NEK7: variants seen among roughly 807,000 people sequenced by gnomAD.
NEK7 encodes the protein serine/threonine-protein kinase Nek7.
NEK7 carries 18 observed loss-of-function variants against 44.6 expected under a neutral mutation model. The ratio of observed to expected loss-of-function variants is 0.40; its 90% confidence interval spans 0.28 to 0.60. The LOEUF (loss-of-function observed/expected upper bound fraction) is 0.60, where lower values mean the gene tolerates loss of function less well. Ranked by LOEUF, NEK7 falls within the 20% of genes least tolerant of loss-of-function variation. The pLI, the probability that NEK7 is intolerant of heterozygous loss-of-function variation, is 0.38. For missense variants in NEK7, 256 were observed against 366.5 expected, an observed-to-expected ratio of 0.70 and a Z score of 2.46; for synonymous variants, 130 against 121.1, an observed-to-expected ratio of 1.07 and a Z score of -0.48.
intron 2 of NEK7, among the ~76,000 whole-genome samples, chr1:198,248,262 A>G (rs1039392171): frequency 2.0e-5 from 3 of 152,212 alleles, no homozygotes; most frequent in African/African-American, 7.2e-5. Flanking sequence ...GGAATGTAAA[A>G]GGTGATATTC....
Position 198,192,281 on chromosome 1 carries a change from C to CT in NEK7, c.-29+35015dup, listed in dbSNP as rs554422772. Among the ~76,000 whole-genome samples, 42 of 142,054 alleles carry CT rather than the reference C, an allele frequency of 3.0e-4. 2 individuals carry two copies. The highest frequency in any genetic ancestry group is 6.2e-4 in the East Asian group (3 of 4,856). 93.2% of individuals were successfully genotyped at this position (142,054 alleles called of 152,430 possible). A position where few individuals can be genotyped will look rare whatever the true frequency, so the allele number is the denominator to read the frequency against. ...TTTTTTATTTATTTTTGCTTTCTCC[C>CT]TTTTTTTTTTAATTGATCAGTCTCA... On this transcript the variant is annotated intron_variant, in intron 1 of 9. Transcript: ENST00000367385.
intron 3 of NEK7, among the ~76,000 whole-genome samples, chr1:198,257,805 A>G (rs535715920): frequency 2.0e-5 from 3 of 152,296 alleles, no homozygotes; most frequent in African/African-American, 7.2e-5. Context: ...CTAAGCAGAT[A>G]AGAAACAGAA....
At chr1:198,240,761 T>A (rs879868213) in intron 2 of NEK7, among the ~76,000 whole-genome samples, 1 of 152,216 alleles carries the variant, frequency 6.6e-6, no homozygotes, top group Non-Finnish European at 1.5e-5. Flanking sequence ...AGTGGCACGA[T>A]CTCGGCTCAC....
At chr1:198,157,657 T>A (rs1053375732) in intron 1 of NEK7, among the ~76,000 whole-genome samples, 1 of 152,104 alleles carries the variant, frequency 6.6e-6, no homozygotes, top group African/African-American at 2.4e-5. Flanking sequence ...GCGACGTCGG[T>A]TATTTATCTC....
rs560754309 is a variant in NEK7 at position 198,228,926 on chromosome 1, G to A, written c.-28-3627G>A. Among the ~76,000 whole-genome samples the A allele has an allele frequency of 9.3e-4, 141 of 152,260 alleles. 2 individuals are homozygous for A. Among genetic ancestry groups the A allele is most frequent in the Middle Eastern group, 3.4e-3 (1 of 294 alleles). ...TATGTGGAATAGGAGTGGTGAGAGA[G>A]GGCATCCCTGTCTTGTGCCCGTTTT... On this transcript the variant is annotated intron_variant, in intron 1 of 9. Transcript: ENST00000367385.
intron 7 of NEK7, among the ~76,000 whole-genome samples, chr1:198,285,090 A>C (rs1434732161): frequency 6.6e-6 from 1 of 151,554 alleles, no homozygotes; most frequent in African/African-American, 2.4e-5. Context: ...ACCCTATTTT[A>C]TTTTTTCTTT....
intron 1 of NEK7, among the ~76,000 whole-genome samples, chr1:198,218,320 A>G (rs185700640): frequency 1.3e-5 from 2 of 152,246 alleles, no homozygotes; most frequent in South Asian, 2.1e-4. Flanking sequence ...AAATTGGGAA[A>G]TAGACACCCT....
intron 1 of NEK7, among the ~76,000 whole-genome samples, chr1:198,165,647 G>C (rs547480779): frequency 6.6e-6 from 1 of 152,240 alleles, no homozygotes; most frequent in East Asian, 1.9e-4. Flanking sequence ...TCCACTTATA[G>C]CACACAGGCA....
At chr1:198,191,338 AT>A (rs796708884) in intron 1 of NEK7, among the ~76,000 whole-genome samples, 2 of 151,762 alleles carry the variant, frequency 1.3e-5, no homozygotes, top group Admixed American at 6.6e-5. Flanking sequence ...ACAGAATTTA[AT>A]TTTTTTAGCC....
At chr1:198,245,114 G>A (rs777368099) in intron 2 of NEK7, 5 of 166,318 alleles carry the variant, frequency 3.0e-5, no homozygotes, top group Non-Finnish European at 7.3e-5. Context: ...TCATAAGGAA[G>A]AAAAATGATA....
chr1:198,233,065 T>C (rs184886771), intron 2 of NEK7, among the ~76,000 whole-genome samples: 4 of 151,320 alleles, frequency 2.6e-5, no homozygotes, highest in African/African-American at 7.3e-5. Context: ...GCTCTGAGCG[T>C]TAGTATTAGG....
chr1:198,300,137 C>T (rs1428919938), intron 9 of NEK7, among the ~76,000 whole-genome samples: 1 of 151,998 alleles, frequency 6.6e-6, no homozygotes, highest in Non-Finnish European at 1.5e-5. Flanking sequence ...TGATCTCATC[C>T]ATGTATCAAT....
At chr1:198,186,306 T>C (rs1389651429) in intron 1 of NEK7, among the ~76,000 whole-genome samples, 1 of 152,350 alleles carries the variant, frequency 6.6e-6, no homozygotes, top group South Asian at 2.1e-4. Context: ...AACCATTAAA[T>C]ATTTAGATTT....
intron 5 of NEK7, among the ~76,000 whole-genome samples, chr1:198,273,190 A>G (rs904971708): frequency 2.0e-5 from 3 of 151,786 alleles, no homozygotes; most frequent in East Asian, 3.9e-4. Context: ...GCTAGTGATA[A>G]GTATTCTCAG....
chr1:198,307,085 C>T (rs1269265010), intron 9 of NEK7, among the ~76,000 whole-genome samples: 1 of 152,050 alleles, frequency 6.6e-6, no homozygotes, highest in Non-Finnish European at 1.5e-5. Context: ...CCTGTTATGA[C>T]CAACAGACTT....
intron 5 of NEK7, among the ~76,000 whole-genome samples, chr1:198,269,104 T>C (rs1653754464): frequency 6.6e-6 from 1 of 152,118 alleles, no homozygotes; most frequent in Admixed American, 6.6e-5. Flanking sequence ...GTATTTCCCA[T>C]TAGACTTAAA....
intron 2 of NEK7, among the ~76,000 whole-genome samples, chr1:198,234,467 G>A (rs1371480663): frequency 6.6e-6 from 1 of 151,956 alleles, no homozygotes; most frequent in Non-Finnish European, 1.5e-5. Context: ...GGCAATAAAA[G>A]AACACTTTTA....
chr1:198,220,282 T>C (rs777185934), intron 1 of NEK7, among the ~76,000 whole-genome samples: 7 of 152,004 alleles, frequency 4.6e-5, no homozygotes, highest in Non-Finnish European at 1.0e-4. Flanking sequence ...ACCTTGTCTT[T>C]GGCACAACAA....
At chr1:198,192,500 A>G (rs1200424232) in intron 1 of NEK7, among the ~76,000 whole-genome samples, 1 of 152,032 alleles carries the variant, frequency 6.6e-6, no homozygotes, top group Non-Finnish European at 1.5e-5. Flanking sequence ...TTTGGTAGGG[A>G]CCAGGTAGAT....
Sources: gnomAD v4.1 joint callset for allele counts (sites outside exome capture counted in the v4.1 genomes callset) on GRCh38, gnomAD v4.1.1 for gene constraint, MANE v1.5 for transcripts, NCBI Gene and HGNC (gene_info 2026-07-23, HGNC 2026-07-21) for gene names.